The following CDC6 variants were observed in gnomAD, a reference collection of about 807,000 sequenced individuals.
The protein encoded by CDC6 is cell division cycle 6, also known as DNA replication factor CDC6.
CDC6 carries 46 observed loss-of-function variants against 60.2 expected under a neutral mutation model. The ratio of observed to expected loss-of-function variants is 0.76; its 90% confidence interval spans 0.60 to 0.98. The LOEUF is 0.98. CDC6 is among the 50% of genes least tolerant of loss of function. CDC6 has a pLI of 0.00. For synonymous variants in CDC6, 210 were observed against 233.2 expected (o/e 0.90, Z 0.90); for missense variants, 596 against 652.9 (o/e 0.91, Z 0.95).
rs2143123078 is a variant in CDC6, at chr17:40,304,393, G to A, written c.*2392G>A. On this transcript the variant is annotated 3_prime_UTR_variant, in exon 12 of 12. Transcript: ENST00000209728. ...CTGGCTTTTCTCCCTGAAGCTGAGA[G>A]CTTCAGGAAGGTGGTAGGAGTTTTA... The A allele has an allele frequency of 1.3e-5, 2 of 152,354 alleles. No individual in the cohort carries two copies. The highest frequency in any genetic ancestry group is 4.8e-5 in the African/African-American group (2 of 41,582). The allele number at this position is 152,354 out of a possible 1,614,324, so 9.4% of individuals were successfully genotyped here.
intron 5 of CDC6, 32 bp downstream of exon 5, chr17:40,293,663 GA>G (rs779065085): frequency 6.5e-7 from 1 of 1,545,324 alleles, no homozygotes; most frequent in Non-Finnish European, 8.9e-7. Context: ...GTTGCTCTGT[GA>G]AAATCTGCAA....
At position 40,295,386 on chromosome 17, in the gene CDC6, G is replaced by A. The variant is rs1297716244; in HGVS notation, c.1114G>A (p.Ala372Thr). ...TAGAGATCAGGTTCTGGACAATGCT[G>A]CAGTTCAATTCTGTGCCCGCAAAGT... ...VSRDQVLDNA[A>T]VQFCARKVSA... Residue 372 changes from alanine to threonine, a missense_variant, in exon 8 of 12, where the codon GCA (alanine) becomes ACA (threonine). By Grantham distance (58) the Ala-to-Thr change is moderately conservative. Transcript: ENST00000209728. The A allele has an allele frequency of 6.2e-7, 1 of 1,613,390 alleles. No homozygotes were observed. Among genetic ancestry groups the A allele is most frequent in the South Asian group, 1.1e-5 (1 of 91,064 alleles).
In CDC6 at chr17:40,289,513, T is replaced by A. The variant is rs1291610876; in HGVS notation, c.93T>A (p.Asp31Glu). The A allele has an allele frequency of 8.7e-6, 14 of 1,614,038 alleles. No individual in the cohort carries two copies. Among genetic ancestry groups the A allele is most frequent in the Non-Finnish European group, 1.0e-5 (12 of 1,179,980 alleles). Residue 31 changes from aspartate (D) to glutamate (E), a missense_variant, in exon 2 of 12, where the codon GAT (aspartate) becomes GAA (glutamate). Asp to Glu is a conservative substitution (Grantham distance 45, BLOSUM62 2). Coordinates refer to ENST00000209728, the MANE Select transcript of CDC6 (RefSeq NM_001254.4). ...RALNKAKNSS[D>E]AKLEPTNVQT... The stretch of plus-strand genomic sequence containing the variant: ...TGAACAAAGCTAAAAACTCCAGTGA[T>A]GCCAAACTAGAACCAACAAATGTCC...
chr17:40,298,279 T>C (rs1317988051), intron 9 of CDC6, among the ~76,000 whole-genome samples: 1 of 152,144 alleles, frequency 6.6e-6, no homozygotes, highest in Non-Finnish European at 1.5e-5. Context: ...ATCAGTAACA[T>C]TTAGGCTTGT....
chr17:40,294,103 T>A, intron 6 of CDC6, 47 bp downstream of exon 6: 1 of 1,373,450 alleles, frequency 7.3e-7, no homozygotes, highest in East Asian at 2.3e-5. Context: ...AAAGTATTTT[T>A]TAAGAATATA....
At chr17:40,289,844 G>T (rs1041243352) in intron 2 of CDC6, among the ~76,000 whole-genome samples, 4 of 149,892 alleles carry the variant, frequency 2.7e-5, no homozygotes, top group African/African-American at 7.4e-5. Flanking sequence ...AAGTAGCTGG[G>T]ATTACAGGCG....
intron 8 of CDC6, 190 bp downstream of exon 8, chr17:40,295,646 C>T: frequency 5.0e-6 from 3 of 600,636 alleles, no homozygotes; most frequent in Non-Finnish European, 8.9e-6. Context: ...GAAACATTAT[C>T]AGTCCATTAC....
At position 40,302,012 on chromosome 17, in the gene CDC6, T is replaced by C; in HGVS notation, c.*11T>C. ...ACTGGATTGCCTTAAATTCTTCTCT[T>C]ACACCCCACCCGAAAGTATTCAGCT... is the stretch of plus-strand genomic sequence containing the variant. On this transcript the variant is annotated 3_prime_UTR_variant, in exon 12 of 12. Transcript: ENST00000209728. 1 of 1,443,086 alleles carries C rather than the reference T, an allele frequency of 6.9e-7. No homozygotes were observed. Among genetic ancestry groups the C allele is most frequent in the East Asian group, 2.3e-5 (1 of 44,092 alleles). 89.4% of individuals were successfully genotyped at this position (1,443,086 alleles called of 1,614,324 possible). A position where few individuals can be genotyped will look rare whatever the true frequency, so the allele number is the denominator to read the frequency against.
At chr17:40,296,541 T>C (rs1480843755) in intron 8 of CDC6, among the ~76,000 whole-genome samples, 162 bp from the exon 9 acceptor site, 1 of 152,218 alleles carries the variant, frequency 6.6e-6, no homozygotes, top group African/African-American at 2.4e-5. Flanking sequence ...ATTTTAAAGT[T>C]ACACGTAGGA....
At position 40,291,186 on chromosome 17, in the gene CDC6, A is replaced by G. The variant is rs1421388749; in HGVS notation, c.307A>G (p.Thr103Ala). Residue 103 changes from threonine to alanine, a missense_variant, in exon 3 of 12, where the codon ACA becomes GCA. Physicochemically the swap from Thr to Ala is moderately conservative, Grantham distance 58 (BLOSUM62 0). Transcript: ENST00000209728. ...AAGATTGGTATTTGACAATCAGCTG[A>G]CAATTAAGTCTCCTAGCAAAAGAGA... is the stretch of plus-strand genomic sequence containing the variant. ...GRRLVFDNQL[T>A]IKSPSKRELA... 1 of 1,614,218 alleles carries G rather than the reference A, an allele frequency of 6.2e-7. No homozygotes were observed. The highest frequency in any genetic ancestry group is 8.5e-7 in the Non-Finnish European group (1 of 1,180,036).
At chr17:40,293,896 A>T in intron 5 of CDC6, 54 bp from the exon 6 acceptor site, 4 of 1,449,374 alleles carry the variant, frequency 2.8e-6, no homozygotes, top group Non-Finnish European at 3.9e-6. Flanking sequence ...CCTATATCAA[A>T]CATTAGAGGG....
chr17:40,294,160 C>T (rs1448263759), intron 6 of CDC6, 104 bp downstream of exon 6: 13 of 1,049,686 alleles, frequency 1.2e-5, no homozygotes, highest in East Asian at 9.7e-5. Context: ...AGCTTTCTGC[C>T]GTGTCAAAAT....
chr17:40,301,363 A>C, intron 10 of CDC6, 105 bp from the exon 11 acceptor site: 1 of 1,018,876 alleles, frequency 9.8e-7, no homozygotes, highest in Non-Finnish European at 1.6e-6. Flanking sequence ...GAAATAGGGT[A>C]TTCAGATAAG....
chr17:40,299,971 C>CT (rs964652668), intron 9 of CDC6, among the ~76,000 whole-genome samples: 52 of 148,316 alleles, frequency 3.5e-4, no homozygotes, highest in Admixed American at 1.2e-3. Flanking sequence ...TTTTCCCTTT[C>CT]TTTTTTTTTT....
intron 8 of CDC6, 149 bp from the exon 9 acceptor site, chr17:40,296,554 T>C: frequency 1.6e-6 from 1 of 609,492 alleles, no homozygotes; most frequent in Non-Finnish European, 3.0e-6. Flanking sequence ...ACGTAGGATA[T>C]GTGTAGGCTA....
intron 6 of CDC6, 21 bp from the exon 7 acceptor site, chr17:40,294,343 T>C (rs1440341804): frequency 6.4e-7 from 1 of 1,559,568 alleles, no homozygotes; most frequent in South Asian, 1.1e-5. Flanking sequence ...CAATGATCAA[T>C]GTTGTTGATC....
At chr17:40,289,376 G>A in intron 1 of CDC6, 32 bp from the exon 2 acceptor site, 2 of 1,516,660 alleles carry the variant, frequency 1.3e-6, no homozygotes, top group Non-Finnish European at 1.8e-6. Flanking sequence ...TTCACATATT[G>A]ACTAGTTGTC....
intron 9 of CDC6, among the ~76,000 whole-genome samples, chr17:40,299,750 AG>A (rs766049847): frequency 3.3e-5 from 5 of 150,540 alleles, no homozygotes; most frequent in Non-Finnish European, 7.4e-5. Flanking sequence ...AATACCAAAA[AG>A]AAAAAAAAAA....
chr17:40,293,432 C>G (rs890187503), intron 4 of CDC6, 24 bp from the exon 5 acceptor site: 2 of 1,606,006 alleles, frequency 1.2e-6, no homozygotes, highest in Non-Finnish European at 1.7e-6. Flanking sequence ...AAAATAACTC[C>G]CATATTTGCA....
Sources: allele counts gnomAD v4.1 joint callset (sites outside exome capture counted in the v4.1 genomes callset), GRCh38; gene constraint gnomAD v4.1.1; transcripts MANE v1.5; gene names NCBI Gene and HGNC (gene_info 2026-07-23, HGNC 2026-07-21).